The following KCNIP4 variants were observed in gnomAD, a reference collection of about 807,000 sequenced individuals.
The protein encoded by KCNIP4 is potassium voltage-gated channel interacting protein 4.
KCNIP4 carries 12 observed loss-of-function variants against 34.0 expected under a neutral mutation model. The observed-to-expected ratio is 0.35, with a 90% CI of 0.23 to 0.57. KCNIP4 has a LOEUF of 0.57. Among genes scored for constraint, KCNIP4 ranks in the 20% least tolerant of loss-of-function variants. The probability of loss-of-function intolerance (pLI) is 0.83; values close to 1 mark genes in which losing one functional copy is unlikely to be tolerated. For synonymous variants in KCNIP4, 124 were observed against 102.2 expected, an observed-to-expected ratio of 1.21 and a Z score of -1.29; for missense variants, 238 against 311.7, an observed-to-expected ratio of 0.76 and a Z score of 1.78.
rs944062889 is a variant in KCNIP4, at chr4:20,771,009, T to C, written c.289-12119A>G. Among the ~76,000 whole-genome samples, 6 of 152,246 alleles carry C rather than the reference T, an allele frequency of 3.9e-5. No individual in the cohort carries two copies. The South Asian group carries it at 1.0e-3, about 26-fold the overall frequency. The stretch of plus-strand genomic sequence containing the variant: ...CTATTTACACAGCATTTCCATGTAT[T>C]AGTTATTATAAGTAATCTAGAGATG... On this transcript the variant is annotated intron_variant, in intron 3 of 8. Transcript: ENST00000382152.
At chr4:21,689,404 C>G (rs1577850231) in intron 1 of KCNIP4, among the ~76,000 whole-genome samples, 1 of 151,978 alleles carries the variant, frequency 6.6e-6, no homozygotes, top group Non-Finnish European at 1.5e-5. Context: ...ACAAAGATCC[C>G]CATTTTACAG....
intron 1 of KCNIP4, among the ~76,000 whole-genome samples, chr4:21,874,002 T>A (rs1725955178): frequency 6.6e-6 from 1 of 152,222 alleles, no homozygotes; most frequent in Non-Finnish European, 1.5e-5. Flanking sequence ...CTCTCTACAT[T>A]TTCTGAAGAC....
chr4:21,496,570 C>T (rs1363181291), intron 1 of KCNIP4, among the ~76,000 whole-genome samples: 2 of 152,342 alleles, frequency 1.3e-5, no homozygotes, highest in East Asian at 3.9e-4. Flanking sequence ...AAGCTCAATC[C>T]ACTTCAATCG....
intron 1 of KCNIP4, among the ~76,000 whole-genome samples, chr4:21,399,226 TG>T (rs1723260472): frequency 6.6e-6 from 1 of 152,172 alleles, no homozygotes; most frequent in Admixed American, 6.5e-5. Context: ...GGTGTTGCCT[TG>T]GCCAGGGTGT....
chr4:21,566,808 A>G (rs1217609856), intron 1 of KCNIP4, among the ~76,000 whole-genome samples: 2 of 152,078 alleles, frequency 1.3e-5, no homozygotes, highest in African/African-American at 2.4e-5. Flanking sequence ...ATTCCTATTG[A>G]ACCAGACATC....
At chr4:21,387,939 A>C (rs566698390) in intron 1 of KCNIP4, among the ~76,000 whole-genome samples, 63 of 152,302 alleles carry the variant, frequency 4.1e-4, no homozygotes, top group African/African-American at 1.5e-3. Flanking sequence ...CTCAGCTTGC[A>C]TAATGGACGT....
At chr4:20,889,136 C>A (rs1725641318) in intron 1 of KCNIP4, among the ~76,000 whole-genome samples, 1 of 151,878 alleles carries the variant, frequency 6.6e-6, no homozygotes, top group African/African-American at 2.4e-5. Context: ...GGTTTTTTTC[C>A]ATTCCAGAAC....
At chr4:21,874,230 T>C (rs913303212) in intron 1 of KCNIP4, among the ~76,000 whole-genome samples, 1 of 152,248 alleles carries the variant, frequency 6.6e-6, no homozygotes, top group Non-Finnish European at 1.5e-5. Context: ...CCAACTTTCA[T>C]TGTTAGAGAA....
chr4:21,902,068 T>C (rs1415952247), intron 1 of KCNIP4, among the ~76,000 whole-genome samples: 1 of 152,178 alleles, frequency 6.6e-6, no homozygotes, highest in Non-Finnish European at 1.5e-5. Context: ...TTTCAACTTT[T>C]GAAATGTTTG....
chr4:21,341,235 CT>C (rs1716733980), intron 1 of KCNIP4, among the ~76,000 whole-genome samples: 1 of 152,096 alleles, frequency 6.6e-6, no homozygotes, highest in African/African-American at 2.4e-5. Context: ...TTCTTTAAGA[CT>C]TCTGGGCTTC....
chr4:21,556,930 A>AAAAAAACAAAAAAAAAC (rs1739095512), intron 1 of KCNIP4, among the ~76,000 whole-genome samples: 1 of 108,194 alleles, frequency 9.2e-6, no homozygotes, highest in Non-Finnish European at 2.0e-5. Context: ...CAGAAAAAAA[A>AAAAAAACAAAAAAAAAC]AAAAAAAAAA....
chr4:21,664,374 C>A (rs1357727596), intron 1 of KCNIP4, among the ~76,000 whole-genome samples: 2 of 150,884 alleles, frequency 1.3e-5, no homozygotes, highest in African/African-American at 4.9e-5. Context: ...CAGAGGCAAC[C>A]AAAACAAACA....
At chr4:20,744,222 C>G (rs189457742) in intron 5 of KCNIP4, among the ~76,000 whole-genome samples, 1 of 152,164 alleles carries the variant, frequency 6.6e-6, no homozygotes, top group Non-Finnish European at 1.5e-5. Context: ...GGAGCTAGAA[C>G]TAGAAATACC....
chr4:21,608,581 T>C (rs1743902307), intron 1 of KCNIP4, among the ~76,000 whole-genome samples: 1 of 152,194 alleles, frequency 6.6e-6, no homozygotes, highest in South Asian at 2.1e-4. Flanking sequence ...GTGATTACAT[T>C]GGGGCCTCCA....
chr4:21,889,306 C>G (rs942669396), intron 1 of KCNIP4, among the ~76,000 whole-genome samples: 3 of 151,948 alleles, frequency 2.0e-5, no homozygotes, highest in African/African-American at 4.8e-5. Flanking sequence ...ATAAATAAAT[C>G]TCATGTTTAG....
chr4:21,552,273 A>G (rs570917433), intron 1 of KCNIP4, among the ~76,000 whole-genome samples: 116 of 152,260 alleles, frequency 7.6e-4, no homozygotes, highest in African/African-American at 2.7e-3. Context: ...TACAGACACA[A>G]GATCTTGAAA....
Position 20,729,847 on chromosome 4 carries a change from C to CAGAGT in KCNIP4, c.*230_*234dup. 2.5e-6 allele frequency: 1 copy of CAGAGT among 396,764 alleles called. No homozygotes were observed. The highest frequency in any genetic ancestry group is 4.3e-5 in the Admixed American group (1 of 23,366). 24.6% of individuals were successfully genotyped at this position (396,764 alleles called of 1,614,324 possible). A position where few individuals can be genotyped will look rare whatever the true frequency, so the allele number is the denominator to read the frequency against. ...AGATTCTATTACTTTTGAATATTCA[C>CAGAGT]AGAGTATGAAATGAGTTAGACCATC... On this transcript the variant is annotated 3_prime_UTR_variant, in exon 9 of 9. Transcript: ENST00000382152.
At chr4:20,975,371 A>G (rs1480790744) in intron 1 of KCNIP4, among the ~76,000 whole-genome samples, 2 of 152,236 alleles carry the variant, frequency 1.3e-5, no homozygotes, top group Non-Finnish European at 2.9e-5. Flanking sequence ...TGCAAACTCA[A>G]TAAAAAGAGT....
intron 1 of KCNIP4, among the ~76,000 whole-genome samples, chr4:21,190,020 G>C (rs974000316): frequency 6.6e-6 from 1 of 152,184 alleles, no homozygotes; most frequent in African/African-American, 2.4e-5. Flanking sequence ...TGAAGAAACA[G>C]GGTTTTTTTC....
Sources: allele counts gnomAD v4.1 joint callset (sites outside exome capture counted in the v4.1 genomes callset), GRCh38; gene constraint gnomAD v4.1.1; transcripts MANE v1.5; gene names NCBI Gene and HGNC (gene_info 2026-07-23, HGNC 2026-07-21).